EPHA3: variants seen among roughly 807,000 people sequenced by gnomAD.
EPHA3 encodes ephrin type-A receptor 3.
EPHA3 carries 42 observed loss-of-function variants against 107.1 expected under a neutral mutation model. The observed-to-expected ratio is 0.39, with a 90% CI of 0.31 to 0.51. EPHA3 has a LOEUF of 0.51. Among genes scored for constraint, EPHA3 ranks in the 20% least tolerant of loss-of-function variants. EPHA3 has a pLI of 0.78. For missense variants in EPHA3, 1,183 were observed against 1,211.2 expected (o/e 0.98, Z 0.35); for synonymous variants, 461 against 424.8 (o/e 1.09, Z -1.05).
At chr3:89,249,034 C>A (rs1285482939) in intron 3 of EPHA3, among the ~76,000 whole-genome samples, 5 of 152,292 alleles carry the variant, frequency 3.3e-5, no homozygotes, top group Non-Finnish European at 7.4e-5. Flanking sequence ...CCCAGTATCC[C>A]TTGCAGTTAT....
chr3:89,145,456 C>A (rs1250001853), intron 2 of EPHA3, among the ~76,000 whole-genome samples: 1 of 151,650 alleles, frequency 6.6e-6, no homozygotes, highest in East Asian at 1.9e-4. Flanking sequence ...TAAATCAATT[C>A]TTAGCACAGT....
intron 3 of EPHA3, among the ~76,000 whole-genome samples, chr3:89,292,625 A>G (rs1706240698): frequency 6.6e-6 from 1 of 152,206 alleles, no homozygotes; most frequent in South Asian, 2.1e-4. Flanking sequence ...AAAATTCTTA[A>G]CTCTATTTGA....
At chr3:89,364,704 A>G (rs1245027073) in intron 5 of EPHA3, among the ~76,000 whole-genome samples, 1 of 151,124 alleles carries the variant, frequency 6.6e-6, no homozygotes, top group East Asian at 1.9e-4. Context: ...TATTGTCATT[A>G]TCTTCTCAAT....
At chr3:89,301,398 A>AGAGG (rs1344257372) in intron 3 of EPHA3, among the ~76,000 whole-genome samples, 1 of 152,074 alleles carries the variant, frequency 6.6e-6, no homozygotes, top group Non-Finnish European at 1.5e-5. Context: ...CTCCTAAAAG[A>AGAGG]GAGGGCATTT....
intron 3 of EPHA3, among the ~76,000 whole-genome samples, chr3:89,280,182 T>G (rs1705907436): frequency 6.6e-6 from 1 of 152,180 alleles, no homozygotes; most frequent in African/African-American, 2.4e-5. Flanking sequence ...AAAAATAGAT[T>G]TATTCAGTAA....
chr3:89,186,265 C>T (rs1210274301), intron 2 of EPHA3, among the ~76,000 whole-genome samples: 1 of 151,966 alleles, frequency 6.6e-6, no homozygotes, highest in African/African-American at 2.4e-5. Flanking sequence ...ACTTCCTCTA[C>T]ACCTAACACC....
At chr3:89,436,120 C>CA in intron 13 of EPHA3, among the ~76,000 whole-genome samples, 1 of 150,216 alleles carries the variant, frequency 6.7e-6, no homozygotes, top group East Asian at 2.0e-4. Context: ...GACCCTTTTT[C>CA]AAAAAATAAA....
intron 15 of EPHA3, among the ~76,000 whole-genome samples, chr3:89,460,847 C>CT (rs1332459711): frequency 3.3e-5 from 3 of 89,794 alleles, no homozygotes; most frequent in Non-Finnish European, 7.0e-5. Context: ...TTATTATACT[C>CT]TAAGTTTTAG....
At chr3:89,334,354 G>A (rs1707351633) in intron 3 of EPHA3, among the ~76,000 whole-genome samples, 1 of 152,128 alleles carries the variant, frequency 6.6e-6, no homozygotes, top group Admixed American at 6.5e-5. Flanking sequence ...GTTGCCATAT[G>A]GCATTTTATA....
intron 11 of EPHA3, among the ~76,000 whole-genome samples, chr3:89,422,229 A>ACG: frequency 6.7e-6 from 1 of 149,862 alleles, no homozygotes; most frequent in South Asian, 2.1e-4. Context: ...ACACACACAC[A>ACG]CACAGAGCGA....
chr3:89,280,820 T>C (rs373999131), intron 3 of EPHA3, among the ~76,000 whole-genome samples: 2 of 152,200 alleles, frequency 1.3e-5, no homozygotes, highest in South Asian at 2.1e-4. Flanking sequence ...TTTGAGTTAT[T>C]TTCCAAGAAT....
Position 89,479,564 on chromosome 3 carries a change from GCAGA to G in EPHA3, c.*69_*72del, listed in dbSNP as rs1710586316. On this transcript the variant is annotated 3_prime_UTR_variant, in exon 17 of 17. Coordinates refer to ENST00000336596, the MANE Select transcript of EPHA3 (RefSeq NM_005233.6). ...GCTGTGGAAGGCGTAGCATCATCCT[GCAGA>G]CAGACAATAATTCTGGAGATACTGG... 5 of 1,274,454 alleles carry G rather than the reference GCAGA, an allele frequency of 3.9e-6. No homozygotes were observed. In the East Asian group the frequency reaches 1.2e-4, roughly 30 times the overall value. 78.9% of individuals were successfully genotyped at this position (1,274,454 alleles called of 1,614,324 possible).
Position 89,235,174 on chromosome 3 carries a change from G to A in EPHA3, c.814+24654G>A, listed in dbSNP as rs575973319. ...TGACCTCAGGTGATCCACCCACCTC[G>A]ACGTCCCAAAGTGCTGGGATTACAG... On this transcript the variant is annotated intron_variant, in intron 3 of 16. Transcript: ENST00000336596. Among the ~76,000 whole-genome samples, 11 of 151,688 alleles carry A rather than the reference G, an allele frequency of 7.3e-5. No homozygotes were observed. In the East Asian group the frequency reaches 2.0e-3, roughly 27 times the overall value.
In EPHA3 at chr3:89,472,563, A is replaced by C; in HGVS notation, c.2790A>C (p.Glu930Asp). ...LNGVWTAHCK[E>D]IFTGVEYSSC... is the part of the protein sequence containing the mutation. Reference sequence around the variant, plus strand: ...GTGTCTGGACAGCACACTGCAAGGAAATCTTCACGGGTGTGGAGTACAGTT... The same window carrying C: ...GTGTCTGGACAGCACACTGCAAGGACATCTTCACGGGTGTGGAGTACAGTT... Residue 930 changes from glutamate (E) to aspartate (D), a missense_variant, in exon 16 of 17, where the codon GAA (glutamate) becomes GAC (aspartate). Coordinates refer to ENST00000336596, the MANE Select transcript of EPHA3 (RefSeq NM_005233.6). 1 of 1,614,154 alleles carries C rather than the reference A, an allele frequency of 6.2e-7. No individual in the cohort carries two copies. Among genetic ancestry groups the C allele is most frequent in the East Asian group, 2.2e-5 (1 of 44,884 alleles).
chr3:89,336,125 C>CA (rs1707387062), intron 3 of EPHA3, among the ~76,000 whole-genome samples: 1 of 152,112 alleles, frequency 6.6e-6, no homozygotes, highest in Admixed American at 6.5e-5. Flanking sequence ...TTTTCATTAA[C>CA]AAAAGGAAAG....
intron 5 of EPHA3, among the ~76,000 whole-genome samples, chr3:89,363,167 A>G (rs1362717349): frequency 6.6e-6 from 1 of 150,984 alleles, no homozygotes; most frequent in Non-Finnish European, 1.5e-5. Context: ...CAGAACCAAT[A>G]GACTGTGTGT....
chr3:89,384,441 T>A (rs553807059), intron 5 of EPHA3, among the ~76,000 whole-genome samples: 4 of 152,194 alleles, frequency 2.6e-5, no homozygotes, highest in Non-Finnish European at 4.4e-5. Flanking sequence ...TTTGCAAAAT[T>A]GTTTTTCGCT....
At chr3:89,446,799 T>C (rs1709885529) in intron 13 of EPHA3, among the ~76,000 whole-genome samples, 1 of 152,098 alleles carries the variant, frequency 6.6e-6, no homozygotes, top group African/African-American at 2.4e-5. Flanking sequence ...CTTATATACC[T>C]TCAGTAATAC....
In EPHA3 at chr3:89,179,532, C is replaced by G. The variant is rs1430007884; in HGVS notation, c.154-30328C>G. Among the ~76,000 whole-genome samples the G allele has an allele frequency of 4.6e-5, 7 of 151,998 alleles. No homozygotes were observed. The East Asian group carries it at 1.4e-3, about 29-fold the overall frequency. ...AATACAAGCATAAAGTCTGAATCTT[C>G]TCTCATCTTTTTCGCTTAGATTGAG... is the stretch of plus-strand genomic sequence containing the variant. On this transcript the variant is annotated intron_variant, in intron 2 of 16. Transcript: ENST00000336596.
Sources: gnomAD v4.1 joint callset for allele counts (sites outside exome capture counted in the v4.1 genomes callset) on GRCh38, gnomAD v4.1.1 for gene constraint, MANE v1.5 for transcripts, NCBI Gene and HGNC (gene_info 2026-07-23, HGNC 2026-07-21) for gene names.